The following RELN variants were observed in gnomAD, a reference collection of about 807,000 sequenced individuals.
RELN encodes the protein reelin.
RELN carries 108 observed loss-of-function variants against 427.6 expected under a neutral mutation model. That is an observed-to-expected ratio of 0.25 (90% CI 0.22 to 0.30). The LOEUF is 0.30. RELN is among the 10% of genes least tolerant of loss of function. RELN has a pLI of 1.00. For missense variants in RELN, 3,715 were observed against 4,302.8 expected (o/e 0.86, Z 3.82); for synonymous variants, 1,524 against 1,513.4 (o/e 1.01, Z -0.16).
chr7:103,809,591 A>T (rs1792686593), intron 3 of RELN, among the ~76,000 whole-genome samples: 1 of 152,172 alleles, frequency 6.6e-6, no homozygotes, highest in African/African-American at 2.4e-5. Flanking sequence ...AAAGCAAGGC[A>T]ATTACTAATT....
intron 20 of RELN, among the ~76,000 whole-genome samples, chr7:103,625,911 C>T (rs540237277): frequency 1.3e-5 from 2 of 152,088 alleles, no homozygotes; most frequent in South Asian, 4.2e-4. Flanking sequence ...ACTCTATGCC[C>T]AACTAATAGT....
chr7:103,694,180 A>G (rs1234238821), intron 10 of RELN, among the ~76,000 whole-genome samples: 1 of 152,112 alleles, frequency 6.6e-6, no homozygotes, highest in Non-Finnish European at 1.5e-5. Flanking sequence ...ACAGCCAGAG[A>G]GTGATGGGGG....
intron 8 of RELN, among the ~76,000 whole-genome samples, chr7:103,702,078 A>C (rs911069625): frequency 6.6e-6 from 1 of 152,260 alleles, no homozygotes; most frequent in African/African-American, 2.4e-5. Context: ...CCAAAATGTA[A>C]GTGAAAAAGC....
At chr7:103,601,323 T>C (rs1293037391) in intron 24 of RELN, among the ~76,000 whole-genome samples, 4 of 152,224 alleles carry the variant, frequency 2.6e-5, no homozygotes, top group African/African-American at 7.2e-5. Context: ...GGACCTTCCA[T>C]GTCAACGGAT....
intron 4 of RELN, among the ~76,000 whole-genome samples, chr7:103,765,433 C>T (rs1297112624): frequency 2.0e-5 from 3 of 152,136 alleles, no homozygotes; most frequent in Non-Finnish European, 4.4e-5. Flanking sequence ...CAGTGTTTCA[C>T]ATATGCCCAC....
intron 3 of RELN, among the ~76,000 whole-genome samples, chr7:103,782,380 T>C (rs2116234899): frequency 6.6e-6 from 1 of 152,260 alleles, no homozygotes; most frequent in South Asian, 2.1e-4. Flanking sequence ...GTGCCACTTA[T>C]GAGCTACATG....
intron 1 of RELN, among the ~76,000 whole-genome samples, chr7:103,942,331 T>C (rs905611653): frequency 1.3e-5 from 2 of 152,152 alleles, no homozygotes; most frequent in African/African-American, 2.4e-5. Flanking sequence ...CCCCATTCTA[T>C]TCTCTGCTTC....
chr7:103,721,932 CTTT>C (rs746529468), intron 8 of RELN, among the ~76,000 whole-genome samples: 2 of 152,196 alleles, frequency 1.3e-5, no homozygotes, highest in African/African-American at 4.8e-5. Flanking sequence ...AAAAATAAAA[CTTT>C]TTTTGATTAT....
intron 8 of RELN, among the ~76,000 whole-genome samples, chr7:103,721,910 C>A (rs1362916726): frequency 2.0e-5 from 3 of 152,090 alleles, no homozygotes; most frequent in Non-Finnish European, 4.4e-5. Flanking sequence ...TTTTGTAGCA[C>A]CACAACTCTT....
chr7:103,719,424 C>T (rs1014212639), intron 8 of RELN, among the ~76,000 whole-genome samples: 1 of 152,162 alleles, frequency 6.6e-6, no homozygotes, highest in Non-Finnish European at 1.5e-5. Context: ...ACAGACCCAC[C>T]CTGTTTACAA....
chr7:103,584,377 C>T (rs566024971), intron 28 of RELN, among the ~76,000 whole-genome samples: 91 of 152,136 alleles, frequency 6.0e-4, no homozygotes, highest in African/African-American at 2.1e-3. Context: ...AAAAGATATA[C>T]CACACAAATG....
At position 103,968,222 on chromosome 7, in the gene RELN, G is replaced by T. The variant is rs1376695772; in HGVS notation, c.226+20909C>A. Among the ~76,000 whole-genome samples, 3 of 151,920 alleles carry T rather than the reference G, an allele frequency of 2.0e-5. No homozygotes were observed. The East Asian group carries it at 5.8e-4, about 29-fold the overall frequency. The stretch of plus-strand genomic sequence containing the variant: ...TCCCCCAAACAAGAAAAATATATTG[G>T]GAGGCTAAACATTACTTTATGATAT... On this transcript the variant is annotated intron_variant, in intron 1 of 64. Transcript: ENST00000428762. This position sits in a 1 kb window ranked among gnomAD's most constrained non-coding sequence, Gnocchi z 4.3.
intron 20 of RELN, chr7:103,628,228 G>A (rs1832370910): frequency 6.6e-6 from 1 of 152,000 alleles, no homozygotes; most frequent in African/African-American, 2.4e-5. Context: ...CTTCTTTAAA[G>A]TCTCCAGGAC....
chr7:103,916,649 T>C (rs949788131), intron 2 of RELN, among the ~76,000 whole-genome samples: 1 of 152,230 alleles, frequency 6.6e-6, no homozygotes, highest in South Asian at 2.1e-4. Context: ...CAAATATTGC[T>C]ATCTTCTGCT....
At chr7:103,894,968 A>G (rs1794927478) in intron 2 of RELN, among the ~76,000 whole-genome samples, 1 of 152,134 alleles carries the variant, frequency 6.6e-6, no homozygotes, top group Non-Finnish European at 1.5e-5. Context: ...CAACCATGTA[A>G]TCTTTACATA....
chr7:103,566,634 C>T lies in RELN; in HGVS notation c.4714G>A (p.Ala1572Thr). The T allele has an allele frequency of 6.2e-7, 1 of 1,614,194 alleles. No homozygotes were observed. The highest frequency in any genetic ancestry group is 8.5e-7 in the Non-Finnish European group (1 of 1,180,022). ...GGTTGCCACCATCGAAATGCCGTTG[C>T]AGGTGTCTTCGCGTCCTGTGGCAGG... is the stretch of plus-strand genomic sequence containing the variant. ...IDLPQDAKTP[A>T]TAFRWWQPQH... The change falls in exon 32 of 65, where the codon GCA becomes ACA. Residue 1572 changes from alanine to threonine, a missense_variant. Physicochemically the swap from Ala to Thr is moderately conservative, Grantham distance 58. Transcript: ENST00000428762.
chr7:103,540,467 A>G lies in RELN; in HGVS notation c.6672-12T>C, dbSNP rs763368483. 3 of 1,613,114 alleles carry G rather than the reference A, an allele frequency of 1.9e-6. No individual in the cohort carries two copies. Among genetic ancestry groups the G allele is most frequent in the South Asian group, 2.2e-5 (2 of 91,076 alleles). ...AGAACTGCACAAATCTGACATTTGT[A>G]AACGTTACTGAAGACTTTCACTTCC... is the stretch of plus-strand genomic sequence containing the variant. On this transcript the variant is annotated splice_polypyrimidine_tract_variant and intron_variant, in intron 43 of 64. Transcript: ENST00000428762.
chr7:103,581,098 G>A (rs1409917646), intron 28 of RELN, among the ~76,000 whole-genome samples: 2 of 152,190 alleles, frequency 1.3e-5, no homozygotes, highest in Non-Finnish European at 2.9e-5. Flanking sequence ...GATGTTCTCA[G>A]GGGGTGAAGT....
chr7:103,816,606 T>C lies in RELN; in HGVS notation c.473+16931A>G, dbSNP rs376624000. Among the ~76,000 whole-genome samples the C allele has an allele frequency of 7.5e-4, 113 of 150,648 alleles. 1 individual carries two copies. In the South Asian group the frequency reaches 0.023, roughly 30 times the overall value. ...TTCAGGATTGATAAAACATAGGTTC[T>C]ACATGAAAATAATTTTATCTAACAT... On this transcript the variant is annotated intron_variant, in intron 3 of 64. Coordinates refer to ENST00000428762, the MANE Select transcript of RELN (RefSeq NM_005045.4).
Sources: allele counts gnomAD v4.1 joint callset (sites outside exome capture counted in the v4.1 genomes callset), GRCh38; gene constraint gnomAD v4.1.1; non-coding constraint Gnocchi (gnomAD v3.1); transcripts MANE v1.5; gene names NCBI Gene and HGNC (gene_info 2026-07-23, HGNC 2026-07-21).